Variants in TGM2 observed in about 807,000 individuals in gnomAD.
TGM2 encodes protein-glutamine gamma-glutamyltransferase 2.
Under a neutral mutation model 75.6 loss-of-function variants are expected in TGM2, and 53 were observed. The observed-to-expected ratio is 0.70, with a 90% CI of 0.56 to 0.88. The LOEUF is 0.88. Ranked by LOEUF, TGM2 falls within the 40% of genes least tolerant of loss-of-function variation. The probability of loss-of-function intolerance (pLI) is 0.00; values close to 1 mark genes in which losing one functional copy is unlikely to be tolerated. For missense variants in TGM2, 842 were observed against 928.5 expected (o/e 0.91, Z 1.21); for synonymous variants, 374 against 381.1 (o/e 0.98, Z 0.22).
At chr20:38,131,548 C>T (rs900311536) in intron 11 of TGM2, among the ~76,000 whole-genome samples, 4 of 152,152 alleles carry the variant, frequency 2.6e-5, no homozygotes, top group African/African-American at 9.7e-5. Context: ...CTCTTCTTCA[C>T]TGTGTGACCT....
At chr20:38,148,568 T>C (rs1274652194) in intron 4 of TGM2, among the ~76,000 whole-genome samples, 1 of 152,160 alleles carries the variant, frequency 6.6e-6, no homozygotes, top group Admixed American at 6.5e-5. Context: ...AGACAGATTC[T>C]AAATACAGAA....
At chr20:38,164,226 G>T (rs960577794) in intron 1 of TGM2, among the ~76,000 whole-genome samples, 8 of 152,186 alleles carry the variant, frequency 5.3e-5, no homozygotes, top group African/African-American at 1.9e-4. Context: ...ACACAGCAGG[G>T]TCAGGTGGGT....
intron 10 of TGM2, 54 bp downstream of exon 10, chr20:38,138,059 C>A: frequency 6.5e-7 from 1 of 1,534,348 alleles, no homozygotes; most frequent in East Asian, 2.4e-5. Context: ...AGGTCACTAC[C>A]TAGCATGTTG....
In TGM2 at chr20:38,130,565, G is replaced by A. The variant is rs369294664; in HGVS notation, c.1914-196C>T. Reference sequence around the variant, plus strand: ...AGTGCCTGTGCACGCATGTGTGTCCGTGTGCATAAAAGCAGATGGTGCATT... The same window carrying A: ...AGTGCCTGTGCACGCATGTGTGTCCATGTGCATAAAAGCAGATGGTGCATT... On this transcript the variant is annotated intron_variant, in intron 12 of 12. Coordinates refer to ENST00000361475, the MANE Select transcript of TGM2 (RefSeq NM_004613.4). Among the ~76,000 whole-genome samples, 25 of 152,366 alleles carry A rather than the reference G, an allele frequency of 1.6e-4. No individual in the cohort carries two copies. In the East Asian group the frequency reaches 2.7e-3, roughly 16 times the overall value.
chr20:38,146,732 C>A lies in TGM2; in HGVS notation c.844G>T (p.Ala282Ser). Residue 282 changes from alanine (A) to serine (S), a missense_variant, in exon 6 of 13, where the codon GCC (alanine) becomes TCC (serine). Coordinates refer to ENST00000361475, the MANE Select transcript of TGM2 (RefSeq NM_004613.4). ...VKYGQCWVFAAVACTVLRCLG... is the reference protein window; with the variant it reads ...VKYGQCWVFASVACTVLRCLG... ...TGCAGCTCACCTGTGCAGGCCACGG[C>A]GGCGAAGACCCAGCACTGGCCATAC... The A allele has an allele frequency of 6.2e-7, 1 of 1,612,840 alleles. No homozygotes were observed. Among genetic ancestry groups the A allele is most frequent in the Non-Finnish European group, 8.5e-7 (1 of 1,179,320 alleles).
Position 38,161,439 on chromosome 20 carries a change from GA to G in TGM2, c.170del (p.Leu57ProfsTer6). The G allele has an allele frequency of 1.2e-6, 2 of 1,614,192 alleles. No homozygotes were observed. The highest frequency in any genetic ancestry group is 1.7e-6 in the Non-Finnish European group (2 of 1,180,020). On this transcript the variant is annotated frameshift_variant, in exon 2 of 13. Coordinates refer to ENST00000361475, the MANE Select transcript of TGM2 (RefSeq NM_004613.4). LOFTEE classifies it high-confidence loss of function. Reference sequence around the variant, plus strand: ...ACTCACCGGTCACGACACTGAAGGTGAGACTGTCTACACTGGCCTCGTAGTT... The same window carrying G: ...ACTCACCGGTCACGACACTGAAGGTGGACTGTCTACACTGGCCTCGTAGTT... ...GRNYEASVDS[L>X]TFSVVTGPAP...
intron 6 of TGM2, among the ~76,000 whole-genome samples, chr20:38,142,486 G>T (rs1192186979): frequency 6.6e-6 from 1 of 152,086 alleles, no homozygotes; most frequent in South Asian, 2.1e-4. Flanking sequence ...GCCGAGGGGG[G>T]CCTGAGGTCA....
At chr20:38,137,591 A>G (rs554854211) in intron 10 of TGM2, among the ~76,000 whole-genome samples, 116 of 152,362 alleles carry the variant, frequency 7.6e-4, no homozygotes, top group African/African-American at 2.8e-3. Flanking sequence ...GCACGTCTCC[A>G]TCACTGTGGA....
Position 38,161,453 on chromosome 20 carries a change from T to A in TGM2, c.157A>T (p.Ser53Cys). 1 of 1,614,186 alleles carries A rather than the reference T, an allele frequency of 6.2e-7. No individual in the cohort carries two copies. The highest frequency in any genetic ancestry group is 8.5e-7 in the Non-Finnish European group (1 of 1,180,022). Reference sequence around the variant, plus strand: ...ACACTGAAGGTGAGACTGTCTACACTGGCCTCGTAGTTGCGGCCCTCAAAG... The same window carrying A: ...ACACTGAAGGTGAGACTGTCTACACAGGCCTCGTAGTTGCGGCCCTCAAAG... ...LHFEGRNYEASVDSLTFSVVT... is the reference protein window; with the variant it reads ...LHFEGRNYEACVDSLTFSVVT... Residue 53 changes from serine (S) to cysteine (C), a missense_variant, in exon 2 of 13, where the codon AGT (serine) becomes TGT (cysteine). By Grantham distance (112) the Ser-to-Cys change is moderately radical. Coordinates refer to ENST00000361475, the MANE Select transcript of TGM2 (RefSeq NM_004613.4).
At chr20:38,135,998 T>C (rs45604836) in intron 10 of TGM2, among the ~76,000 whole-genome samples, 2,124 of 152,292 alleles carry the variant, frequency 0.014, 25 homozygotes, top group Non-Finnish European at 0.023. Context: ...GGTGGTGCAT[T>C]CAGAGGGCAG....
chr20:38,151,151 A>G, intron 3 of TGM2, 94 bp from the exon 4 acceptor site: 1 of 870,976 alleles, frequency 1.1e-6, no homozygotes. Context: ...CCCTAGGCCA[A>G]GCCAGCGTCT....
At chr20:38,151,450 C>T (rs954901819) in intron 3 of TGM2, among the ~76,000 whole-genome samples, 2 of 152,142 alleles carry the variant, frequency 1.3e-5, no homozygotes, top group Non-Finnish European at 2.9e-5. Context: ...AGCACTGGAC[C>T]GGGAGTCAGG....
rs117123381 is a variant in TGM2 at position 38,148,337 on chromosome 20, T to C, written c.553-248A>G. The stretch of plus-strand genomic sequence containing the variant: ...GTAACAATTTTCATCCAGGGCCTGG[T>C]TGGGGGAACCTGGAAATCTGGAGCA... On this transcript the variant is annotated intron_variant, in intron 4 of 12. Coordinates refer to ENST00000361475, the MANE Select transcript of TGM2 (RefSeq NM_004613.4). Among the ~76,000 whole-genome samples the C allele has an allele frequency of 3.9e-5, 6 of 152,244 alleles. No individual in the cohort carries two copies. In the East Asian group the frequency reaches 9.7e-4, roughly 25 times the overall value.
chr20:38,161,395 G>T (rs1233543516), intron 2 of TGM2, 25 bp downstream of exon 2: 1 of 1,612,572 alleles, frequency 6.2e-7, no homozygotes, highest in Non-Finnish European at 8.5e-7. Flanking sequence ...GGTGGTGGTG[G>T]TGGAGTGGGG....
intron 10 of TGM2, among the ~76,000 whole-genome samples, chr20:38,135,353 A>G (rs1280023908): frequency 3.3e-5 from 5 of 151,734 alleles, no homozygotes; most frequent in Non-Finnish European, 7.4e-5. Context: ...AGACTTCACC[A>G]CTGCTCAATA....
intron 1 of TGM2, among the ~76,000 whole-genome samples, chr20:38,163,968 G>A (rs546076156): frequency 3.5e-4 from 53 of 152,310 alleles, no homozygotes; most frequent in African/African-American, 1.3e-3. Flanking sequence ...TAGAATTGTA[G>A]GATTTATAGG....
chr20:38,129,866 A>T lies in TGM2; in HGVS notation c.*353T>A, dbSNP rs1283016853. 1 of 292,548 alleles carries T rather than the reference A, an allele frequency of 3.4e-6. No individual in the cohort carries two copies. Among genetic ancestry groups the T allele is most frequent in the Non-Finnish European group, 6.6e-6 (1 of 151,038 alleles). 18.1% of individuals were successfully genotyped at this position (292,548 alleles called of 1,614,324 possible). A position where few individuals can be genotyped will look rare whatever the true frequency, so the allele number is the denominator to read the frequency against. ...TGTCCCTTTTTTGCCTGCTCCAAGGAGCTATGAAGTAGATCAAACAATATG... is the reference window on the plus strand; with the variant it reads ...TGTCCCTTTTTTGCCTGCTCCAAGGTGCTATGAAGTAGATCAAACAATATG... On this transcript the variant is annotated 3_prime_UTR_variant, in exon 13 of 13. Transcript: ENST00000361475.
At chr20:38,138,040 T>C in intron 10 of TGM2, 73 bp downstream of exon 10, 1 of 1,509,416 alleles carries the variant, frequency 6.6e-7, no homozygotes, top group South Asian at 1.3e-5. Flanking sequence ...TCACACATGC[T>C]AAGTGGTTAG....
intron 11 of TGM2, among the ~76,000 whole-genome samples, chr20:38,132,021 A>C (rs1366150708): frequency 6.6e-6 from 1 of 150,576 alleles, no homozygotes; most frequent in Non-Finnish European, 1.5e-5. Flanking sequence ...CCCCCACCCC[A>C]CCCTGCCCCA....
Sources: gnomAD v4.1 joint callset for allele counts (sites outside exome capture counted in the v4.1 genomes callset) on GRCh38, gnomAD v4.1.1 for gene constraint, MANE v1.5 for transcripts, NCBI Gene and HGNC (gene_info 2026-07-23, HGNC 2026-07-21) for gene names.